ZNRF2: variants seen among roughly 807,000 people sequenced by gnomAD.
ZNRF2 encodes the protein zinc and ring finger 2, also known as E3 ubiquitin-protein ligase ZNRF2.
In ZNRF2, 16 loss-of-function variants were observed where a neutral mutation model predicts 20.4. That is an observed-to-expected ratio of 0.79 (90% CI 0.53 to 1.19). The LOEUF is 1.19. Ranked by LOEUF, ZNRF2 falls within the 50% of genes most tolerant of loss-of-function variation. The pLI, the probability that ZNRF2 is intolerant of heterozygous loss-of-function variation, is 0.00. For synonymous variants in ZNRF2, 178 were observed against 144.9 expected (o/e 1.23, Z -1.64); for missense variants, 363 against 332.4 (o/e 1.09, Z -0.72).
intron 1 of ZNRF2, among the ~76,000 whole-genome samples, chr7:30,299,864 C>T (rs999797754): frequency 6.7e-6 from 1 of 149,312 alleles, no homozygotes; most frequent in Non-Finnish European, 1.5e-5. Flanking sequence ...ACTACGAGCT[C>T]TGCCTCCCAA....
chr7:30,315,738 G>C (rs1419503241), intron 1 of ZNRF2, among the ~76,000 whole-genome samples: 1 of 91,752 alleles, frequency 1.1e-5, no homozygotes, highest in African/African-American at 3.6e-5. Context: ...GGGGGGGGGG[G>C]GGTTGGGTAT....
At chr7:30,337,000 G>C (rs1562616723) in intron 2 of ZNRF2, among the ~76,000 whole-genome samples, 2 of 152,084 alleles carry the variant, frequency 1.3e-5, no homozygotes, top group Admixed American at 6.6e-5. Context: ...TATTCTGTTT[G>C]ATCTACATAG....
chr7:30,329,221 T>C (rs1027517392), intron 2 of ZNRF2, among the ~76,000 whole-genome samples: 3 of 152,230 alleles, frequency 2.0e-5, no homozygotes, highest in Non-Finnish European at 4.4e-5. Context: ...ATGTACAATG[T>C]GTAATGATCA....
chr7:30,333,821 T>A (rs1185414338), intron 2 of ZNRF2, among the ~76,000 whole-genome samples: 1 of 152,210 alleles, frequency 6.6e-6, no homozygotes, highest in Non-Finnish European at 1.5e-5. Context: ...AAGTATCTGT[T>A]CATGCCTTTG....
At chr7:30,334,692 G>A (rs1050894341) in intron 2 of ZNRF2, among the ~76,000 whole-genome samples, 5 of 152,130 alleles carry the variant, frequency 3.3e-5, no homozygotes, top group Non-Finnish European at 5.9e-5. Flanking sequence ...ATGACAGTAT[G>A]AATCCTATAA....
At chr7:30,330,463 T>A (rs773059505) in intron 2 of ZNRF2, among the ~76,000 whole-genome samples, 2 of 152,194 alleles carry the variant, frequency 1.3e-5, no homozygotes, top group Non-Finnish European at 2.9e-5. Flanking sequence ...GAATCTATTT[T>A]GTCAGGCTCA....
intron 1 of ZNRF2, among the ~76,000 whole-genome samples, chr7:30,289,502 T>C (rs1215169955): frequency 3.3e-5 from 5 of 152,202 alleles, no homozygotes; most frequent in Non-Finnish European, 5.9e-5. Context: ...TGAAGGCTTT[T>C]ATGGGGAGTG....
At chr7:30,290,740 C>T (rs1355455532) in intron 1 of ZNRF2, among the ~76,000 whole-genome samples, 1 of 152,168 alleles carries the variant, frequency 6.6e-6, no homozygotes, top group Non-Finnish European at 1.5e-5. Flanking sequence ...GTTCTTTCTG[C>T]CACATGGATT....
At chr7:30,350,675 T>G (rs1166228535) in intron 2 of ZNRF2, among the ~76,000 whole-genome samples, 1 of 152,076 alleles carries the variant, frequency 6.6e-6, no homozygotes, top group Non-Finnish European at 1.5e-5. Flanking sequence ...TATTTATTAT[T>G]AAAACTTGTG....
At chr7:30,324,273 C>T (rs1279006850) in intron 2 of ZNRF2, among the ~76,000 whole-genome samples, 2 of 151,860 alleles carry the variant, frequency 1.3e-5, no homozygotes, top group East Asian at 3.9e-4. Context: ...GTGGCTCACA[C>T]CTGTAATCCC....
intron 2 of ZNRF2, among the ~76,000 whole-genome samples, chr7:30,343,138 C>T (rs1272501704): frequency 6.6e-6 from 1 of 151,968 alleles, no homozygotes; most frequent in Non-Finnish European, 1.5e-5. Context: ...CATAGTGAGA[C>T]CGTATCTCTA....
rs1799854669 is a variant in ZNRF2 at position 30,344,969 on chromosome 7, TC to T, written c.566-10757del. ...AAGTCTGAAACCACCTGATTTGTCC[TC>T]CTTTTAAAATTGACTTAGTCTTTTT... On this transcript the variant is annotated intron_variant, in intron 2 of 4. Coordinates refer to ENST00000323037, the MANE Select transcript of ZNRF2 (RefSeq NM_147128.4). Among the ~76,000 whole-genome samples, 3 of 152,190 alleles carry T rather than the reference TC, an allele frequency of 2.0e-5. No individual in the cohort carries two copies. The South Asian group carries it at 6.2e-4, about 31-fold the overall frequency.
chr7:30,285,857 G>C, intron 1 of ZNRF2, 31 bp downstream of exon 1: 4 of 1,436,154 alleles, frequency 2.8e-6, no homozygotes, highest in Non-Finnish European at 2.7e-6. Flanking sequence ...ACCCGCGCTC[G>C]GTCCTCCCGC....
At chr7:30,311,177 C>G (rs1475527849) in intron 1 of ZNRF2, among the ~76,000 whole-genome samples, 1 of 152,126 alleles carries the variant, frequency 6.6e-6, no homozygotes, top group African/African-American at 2.4e-5. Flanking sequence ...TTTTTGGCCT[C>G]TTGAACTTGG....
At chr7:30,362,314 G>C (rs1452476691) in intron 3 of ZNRF2, 63 bp from the exon 4 acceptor site, 1 of 1,112,774 alleles carries the variant, frequency 9.0e-7, no homozygotes, top group East Asian at 2.5e-5. Context: ...TTTTTACTGT[G>C]GCTCTCATTA....
chr7:30,319,871 C>A (rs1290594687), intron 1 of ZNRF2, among the ~76,000 whole-genome samples: 1 of 152,174 alleles, frequency 6.6e-6, no homozygotes, highest in Non-Finnish European at 1.5e-5. Context: ...CTTTTATACA[C>A]CAAGATGATC....
Position 30,285,948 on chromosome 7 carries a change from C to T in ZNRF2, c.469+122C>T, listed in dbSNP as rs1478418017. The T allele has an allele frequency of 6.0e-6, 8 of 1,322,612 alleles. No individual in the cohort carries two copies. The East Asian group carries it at 1.9e-4, about 31-fold the overall frequency. 81.9% of individuals were successfully genotyped at this position (1,322,612 alleles called of 1,614,324 possible). Reference sequence around the variant, plus strand: ...TGCCGGGGCGCCGGGGGCTGCCTCCCGGACCAGCCCGCGTCGGTCTCCATC... The same window carrying T: ...TGCCGGGGCGCCGGGGGCTGCCTCCTGGACCAGCCCGCGTCGGTCTCCATC... On this transcript the variant is annotated intron_variant, in intron 1 of 4. Coordinates refer to ENST00000323037, the MANE Select transcript of ZNRF2 (RefSeq NM_147128.4).
intron 1 of ZNRF2, among the ~76,000 whole-genome samples, chr7:30,320,148 C>T (rs1483365584): frequency 6.6e-6 from 1 of 151,858 alleles, no homozygotes; most frequent in Non-Finnish European, 1.5e-5. Flanking sequence ...CCATTTTTTT[C>T]CAAGAGCTCT....
chr7:30,297,107 T>C (rs542961728), intron 1 of ZNRF2, among the ~76,000 whole-genome samples: 12 of 152,338 alleles, frequency 7.9e-5, no homozygotes, highest in African/African-American at 2.9e-4. Flanking sequence ...GTGTTTTCTC[T>C]TTTGTCTTTT....
Sources: allele counts gnomAD v4.1 joint callset (sites outside exome capture counted in the v4.1 genomes callset), GRCh38; gene constraint gnomAD v4.1.1; transcripts MANE v1.5; gene names NCBI Gene and HGNC (gene_info 2026-07-23, HGNC 2026-07-21).